Variants in ACOT12 observed in about 807,000 individuals in gnomAD.
The protein encoded by ACOT12 is acyl-CoA thioesterase 12, also known as acetyl-coenzyme A thioesterase.
Under a neutral mutation model 67.7 loss-of-function variants are expected in ACOT12, and 51 were observed. The ratio of observed to expected loss-of-function variants is 0.75; its 90% confidence interval spans 0.60 to 0.95. The LOEUF is 0.95. Among genes scored for constraint, ACOT12 ranks in the 40% least tolerant of loss-of-function variants. The pLI, the probability that ACOT12 is intolerant of heterozygous loss-of-function variation, is 0.00. For synonymous variants in ACOT12, 251 were observed against 244.6 expected, an observed-to-expected ratio of 1.03 and a Z score of -0.24; for missense variants, 734 against 708.1, an observed-to-expected ratio of 1.04 and a Z score of -0.41.
intron 13 of ACOT12, 45 bp from the exon 14 acceptor site, chr5:81,330,985 G>T: frequency 6.6e-7 from 1 of 1,523,602 alleles, no homozygotes; most frequent in South Asian, 1.3e-5. Context: ...ATAAAGAATA[G>T]TTGTTAGAAA....
chr5:81,358,723 C>T (rs1323365739), intron 5 of ACOT12, among the ~76,000 whole-genome samples: 2 of 152,148 alleles, frequency 1.3e-5, no homozygotes, highest in African/African-American at 4.8e-5. Flanking sequence ...GTGGCACGCG[C>T]CTATAATCCC....
At chr5:81,375,475 A>G (rs1026991197) in intron 2 of ACOT12, among the ~76,000 whole-genome samples, 10 of 152,216 alleles carry the variant, frequency 6.6e-5, no homozygotes, top group African/African-American at 2.2e-4. Context: ...TGACAGGATC[A>G]AATTCACACA....
the ACOT12 span, among the ~76,000 whole-genome samples, chr5:81,323,976 C>A: frequency 6.6e-6 from 1 of 151,008 alleles, no homozygotes; most frequent in Non-Finnish European, 1.5e-5. Flanking sequence ...GTGTCTCACT[C>A]TGTTGGCCAG....
chr5:81,375,991 A>T (rs1018265065), intron 2 of ACOT12, among the ~76,000 whole-genome samples: 2 of 152,226 alleles, frequency 1.3e-5, no homozygotes, highest in Admixed American at 6.5e-5. Flanking sequence ...AAACAGACTT[A>T]ATAGACACCT....
intron 2 of ACOT12, among the ~76,000 whole-genome samples, chr5:81,381,113 C>T (rs536622428): frequency 6.6e-6 from 1 of 151,610 alleles, no homozygotes; most frequent in Admixed American, 6.6e-5. Flanking sequence ...GTTGCCCAGG[C>T]TGGAGTGCAG....
chr5:81,315,907 C>T, the ACOT12 span, among the ~76,000 whole-genome samples: 1 of 152,196 alleles, frequency 6.6e-6, no homozygotes, highest in Non-Finnish European at 1.5e-5. Flanking sequence ...TCACCTTCTA[C>T]CATATTAAGT....
intron 6 of ACOT12, among the ~76,000 whole-genome samples, chr5:81,346,415 A>C (rs780956353): frequency 4.6e-5 from 7 of 152,252 alleles, no homozygotes; most frequent in African/African-American, 7.2e-5. Context: ...CCTCAGCTTT[A>C]CAGTTAATCA....
chr5:81,334,315 C>T (rs1209897886), intron 12 of ACOT12, among the ~76,000 whole-genome samples: 1 of 152,194 alleles, frequency 6.6e-6, no homozygotes, highest in Non-Finnish European at 1.5e-5. Flanking sequence ...GACAGCAAAA[C>T]TGAAAGAGCG....
Position 81,362,293 on chromosome 5 carries a change from G to A in ACOT12, c.360+1495C>T, listed in dbSNP as rs10037433. On this transcript the variant is annotated intron_variant, in intron 4 of 14. Coordinates refer to ENST00000307624, the MANE Select transcript of ACOT12 (RefSeq NM_130767.3). Reference sequence around the variant, plus strand: ...TGAGTCTCCTGTCTCAGCTTCCCAAGTAGCTGGGATTATAGGCATGCACCA... The same window carrying A: ...TGAGTCTCCTGTCTCAGCTTCCCAAATAGCTGGGATTATAGGCATGCACCA... 6.4e-3 allele frequency among the ~76,000 whole-genome samples: 967 copies of A among 151,402 alleles called. 8 individuals carry two copies. The highest frequency in any genetic ancestry group is 0.022 in the African/African-American group (906 of 41,192).
At chr5:81,372,773 GTTTACTGAGTTAATTGGCAT>G in intron 2 of ACOT12, among the ~76,000 whole-genome samples, 1 of 152,072 alleles carries the variant, frequency 6.6e-6, no homozygotes, top group Non-Finnish European at 1.5e-5. Context: ...TTTCACTAAT[GTTTACTGAGTTAATTGGCAT>G]TTTACTGAGT....
intron 5 of ACOT12, among the ~76,000 whole-genome samples, chr5:81,353,861 C>G (rs1234226857): frequency 6.6e-6 from 1 of 152,160 alleles, no homozygotes; most frequent in Non-Finnish European, 1.5e-5. Flanking sequence ...CCAACACAAA[C>G]CCCTGGTTTT....
At chr5:81,386,322 G>C (rs1441428181) in intron 1 of ACOT12, among the ~76,000 whole-genome samples, 2 of 152,146 alleles carry the variant, frequency 1.3e-5, no homozygotes, top group East Asian at 3.9e-4. Flanking sequence ...CTGGGTATCA[G>C]AGAAAGAGAG....
At chr5:81,352,106 C>G (rs1759570487) in intron 5 of ACOT12, among the ~76,000 whole-genome samples, 1 of 152,118 alleles carries the variant, frequency 6.6e-6, no homozygotes, top group Non-Finnish European at 1.5e-5. Context: ...CAGGCAATAA[C>G]CAGTGCTGGT....
Position 81,374,432 on chromosome 5 carries a change from T to G in ACOT12, c.198-2622A>C, listed in dbSNP as rs139642419. ...ATTCCAAAAACCAGAATGCCTCTTC[T>G]CCTTCAAAGGATCACAACTCCGTGC... On this transcript the variant is annotated intron_variant, in intron 2 of 14. Transcript: ENST00000307624. 6.5e-3 allele frequency among the ~76,000 whole-genome samples: 983 copies of G among 152,118 alleles called. 2 individuals carry two copies. The highest frequency in any genetic ancestry group is 7.7e-3 in the Non-Finnish European group (527 of 68,008).
intron 11 of ACOT12, among the ~76,000 whole-genome samples, chr5:81,339,704 G>A (rs769507767): frequency 9.9e-5 from 15 of 152,144 alleles, no homozygotes; most frequent in African/African-American, 3.6e-4. Flanking sequence ...TTATTCTTCA[G>A]CTGTTTCACA....
chr5:81,319,044 A>G, the ACOT12 span, among the ~76,000 whole-genome samples: 3 of 151,830 alleles, frequency 2.0e-5, no homozygotes, highest in Non-Finnish European at 4.4e-5. Flanking sequence ...CCTGCTGGAG[A>G]AGAGAATGGG....
At chr5:81,311,317 T>G in the ACOT12 span, 1 of 1,593,248 alleles carries the variant, frequency 6.3e-7, no homozygotes. Flanking sequence ...GGGGTGAGAT[T>G]AGTATTCCTC....
At chr5:81,380,041 G>T (rs953522460) in intron 2 of ACOT12, among the ~76,000 whole-genome samples, 3 of 152,138 alleles carry the variant, frequency 2.0e-5, no homozygotes, top group African/African-American at 7.2e-5. Flanking sequence ...AAAACTGGAG[G>T]TAAAGAGTTT....
chr5:81,345,059 G>A lies in ACOT12; in HGVS notation c.774-18C>T, dbSNP rs952975455. ...CTTCAACACTGTGAAGGGTGATGCAGGGCGGTGGGCAAAGAGGATCTTGAC... is the reference window on the plus strand; with the variant it reads ...CTTCAACACTGTGAAGGGTGATGCAAGGCGGTGGGCAAAGAGGATCTTGAC... On this transcript the variant is annotated intron_variant, in intron 7 of 14. Coordinates refer to ENST00000307624, the MANE Select transcript of ACOT12 (RefSeq NM_130767.3). The A allele has an allele frequency of 6.2e-7, 1 of 1,613,316 alleles. No individual in the cohort carries two copies. Among genetic ancestry groups the A allele is most frequent in the African/African-American group, 1.3e-5 (1 of 74,998 alleles).
Sources: gnomAD v4.1 joint callset for allele counts (sites outside exome capture counted in the v4.1 genomes callset) on GRCh38, gnomAD v4.1.1 for gene constraint, MANE v1.5 for transcripts, NCBI Gene and HGNC (gene_info 2026-07-23, HGNC 2026-07-21) for gene names.